MSLN: variants seen among roughly 807,000 people sequenced by gnomAD.
The protein encoded by MSLN is mesothelin.
Under a neutral mutation model 72.6 loss-of-function variants are expected in MSLN, and 82 were observed. The observed-to-expected ratio is 1.13, with a 90% CI of 0.94 to 1.36. The LOEUF is 1.36. MSLN is among the 40% of genes most tolerant of loss of function. MSLN has a pLI of 0.00. For synonymous variants in MSLN, 456 were observed against 387.3 expected (o/e 1.18, Z -2.08); for missense variants, 1,005 against 847.9 (o/e 1.19, Z -2.30).
Position 763,656 on chromosome 16 carries a change from G to C in MSLN, c.144G>C (p.Leu48=). 6.3e-7 allele frequency: 1 copy of C among 1,597,326 alleles called. No individual in the cohort carries two copies. The highest frequency in any genetic ancestry group is 8.5e-7 in the Non-Finnish European group (1 of 1,171,154). ...TGTGTCCCCAGGAGGCTGCGCCCCT[G>C]GACGGAGTCCTGGCCAACCCACCTA... The part of the protein sequence containing the change: ...AGETGQEAAP[L]DGVLANPPNI... Residue 48 remains leucine (L), a synonymous_variant, in exon 5 of 18, where the codon CTG becomes CTC. Coordinates refer to ENST00000545450, the MANE Select transcript of MSLN (RefSeq NM_005823.6).
At chr16:764,535 T>C in intron 6 of MSLN, 112 bp from the exon 7 acceptor site, 1 of 942,982 alleles carries the variant, frequency 1.1e-6, no homozygotes, top group Middle Eastern at 2.2e-4. Context: ...TTCCACAGAT[T>C]CTCGTGGCCA....
chr16:766,562 C>T, intron 13 of MSLN, 72 bp downstream of exon 13: 1 of 1,609,028 alleles, frequency 6.2e-7, no homozygotes, highest in Non-Finnish European at 8.5e-7. Flanking sequence ...GGGACAAAGC[C>T]TGAGGTTGGG....
At chr16:768,863 C>T (rs774580267), downstream of MSLN, 13 of 859,252 alleles carry the variant, frequency 1.5e-5, no homozygotes, top group East Asian at 2.7e-5. Context: ...CCTGCAGACA[C>T]GTCTTGTGGC....
chr16:768,705 C>A lies in MSLN; in HGVS notation c.1841C>A (p.Ala614Glu). Residue 614 changes from alanine (A) to glutamate (E), a missense_variant, in exon 18 of 18, where the codon GCA (alanine) becomes GAA (glutamate). Physicochemically the swap from Ala to Glu is moderately radical, Grantham distance 107 (BLOSUM62 -1). Coordinates refer to ENST00000545450, the MANE Select transcript of MSLN (RefSeq NM_005823.6). The part of the protein sequence containing the change: ...LGPGPVLTVL[A>E]LLLASTLA ...CCTGGACCTGTTCTCACCGTCCTGGCACTGCTCCTAGCCTCCACCCTGGCC... is the reference window on the plus strand; with the variant it reads ...CCTGGACCTGTTCTCACCGTCCTGGAACTGCTCCTAGCCTCCACCCTGGCC... 6.2e-7 allele frequency: 1 copy of A among 1,610,996 alleles called. No homozygotes were observed. The highest frequency in any genetic ancestry group is 8.5e-7 in the Non-Finnish European group (1 of 1,179,554).
intron 15 of MSLN, 121 bp from the exon 16 acceptor site, chr16:767,255 C>A: frequency 2.6e-6 from 3 of 1,132,212 alleles, no homozygotes; most frequent in Non-Finnish European, 3.9e-6. Context: ...CAAACCCAGG[C>A]CCTGGAATCC....
chr16:762,043 G>GAGT (rs1359581755), intron 2 of MSLN, among the ~76,000 whole-genome samples: 2 of 152,190 alleles, frequency 1.3e-5, no homozygotes, highest in Non-Finnish European at 2.9e-5. Context: ...CCACCCTAGA[G>GAGT]AGTACAAGGG....
At chr16:767,497 TGGA>T (rs1158209617) in intron 16 of MSLN, 27 bp downstream of exon 16, 2 of 1,248,362 alleles carry the variant, frequency 1.6e-6, no homozygotes, top group Non-Finnish European at 2.1e-6. Flanking sequence ...GAGGGGCGTG[TGGA>T]GGAGGGGCCC....
chr16:762,405 A>C, intron 2 of MSLN: 2 of 487,298 alleles, frequency 4.1e-6, no homozygotes, highest in Non-Finnish European at 3.7e-6. Flanking sequence ...CCCTTCTGGG[A>C]GAGGGGTGGG....
intron 15 of MSLN, 115 bp downstream of exon 15, chr16:767,127 G>C: frequency 1.3e-6 from 2 of 1,506,428 alleles, no homozygotes; most frequent in African/African-American, 1.4e-5. Context: ...GTAACTGGGT[G>C]GTCACCCGCC....
At chr16:760,946 A>G (rs567034005) in intron 1 of MSLN, 125 bp downstream of exon 1, 1 of 152,326 alleles carries the variant, frequency 6.6e-6, no homozygotes, top group African/African-American at 2.4e-5. Context: ...TCCCTACCCA[A>G]CTGCGCAGAA....
At position 765,748 on chromosome 16, in the gene MSLN, G is replaced by T. The variant is rs777863778; in HGVS notation, c.853G>T (p.Glu285Ter). ...TCGGGACCCATCCTGGCGGCAGCCT[G>T]AACGGACCATCCTCCGGCCGCGGTT... is the stretch of plus-strand genomic sequence containing the variant. ...SSRDPSWRQP[E>*]RTILRPRFRR... Residue 285 changes from glutamate to a stop codon, truncating the protein, a stop_gained, in exon 11 of 18, where the codon GAA becomes TAA. Coordinates refer to ENST00000545450, the MANE Select transcript of MSLN (RefSeq NM_005823.6). LOFTEE classifies it high-confidence loss of function. The T allele has an allele frequency of 6.2e-7, 1 of 1,600,680 alleles. No homozygotes were observed. The highest frequency in any genetic ancestry group is 1.1e-5 in the South Asian group (1 of 91,072).
At position 766,912 on chromosome 16, in the gene MSLN, G is replaced by C; in HGVS notation, c.1401G>C (p.Thr467=). The part of the protein sequence containing the change: ...IWAVRPQDLD[T]CDPRQLDVLY... ...CGGTCAGGCCCCAGGACCTGGACAC[G>C]TGTGACCCAAGGCAGCTGGACGTCC... The change falls in exon 15 of 18, where the codon ACG becomes ACC. Residue 467 remains threonine, a synonymous_variant. Coordinates refer to ENST00000545450, the MANE Select transcript of MSLN (RefSeq NM_005823.6). 6.2e-7 allele frequency: 1 copy of C among 1,612,554 alleles called. No individual in the cohort carries two copies. Among genetic ancestry groups the C allele is most frequent in the Non-Finnish European group, 8.5e-7 (1 of 1,179,834 alleles).
chr16:765,006 GC>G lies in MSLN; in HGVS notation c.481del (p.Arg161GlyfsTer17). 1 of 1,611,558 alleles carries G rather than the reference GC, an allele frequency of 6.2e-7. No homozygotes were observed. Among genetic ancestry groups the G allele is most frequent in the South Asian group, 1.1e-5 (1 of 91,048 alleles). ...TCCCGAGGGGGGCTCCCGAGCGACA[GC>G]GGCTGCTGCCTGCGGCTCTGGCCTG... is the stretch of plus-strand genomic sequence containing the variant. The part of the protein sequence containing the change: ...LLPRGAPERQ[R>X]LLPAALACWG... On this transcript the variant is annotated frameshift_variant, in exon 8 of 18. Transcript: ENST00000545450. LOFTEE classifies it high-confidence loss of function.
intron 16 of MSLN, 28 bp from the exon 17 acceptor site, chr16:768,351 C>A (rs1003612437): frequency 6.7e-7 from 1 of 1,500,084 alleles, no homozygotes; most frequent in Non-Finnish European, 8.9e-7. Context: ...GGAGACCCTC[C>A]TTGATGGCTG....
At chr16:764,400 C>T (rs976272165) in intron 6 of MSLN, among the ~76,000 whole-genome samples, 2 of 152,198 alleles carry the variant, frequency 1.3e-5, no homozygotes, top group Non-Finnish European at 2.9e-5. Context: ...GTGGGCAGCC[C>T]TCCAGGCTCT....
Position 766,686 on chromosome 16 carries a change from C to A in MSLN, c.1249C>A (p.Arg417Ser). ...CCCACAGGTGGCCACCCTGATCGAC[C>A]GCTTTGTGAAGGGAAGGGGCCAGCT... ...MSPQVATLID[R>S]FVKGRGQLDK... is the part of the protein sequence containing the mutation. Residue 417 changes from arginine (R) to serine (S), a missense_variant, in exon 14 of 18, where the codon CGC becomes AGC. Transcript: ENST00000545450. The A allele has an allele frequency of 6.2e-7, 1 of 1,612,560 alleles. No homozygotes were observed. The highest frequency in any genetic ancestry group is 8.5e-7 in the Non-Finnish European group (1 of 1,179,870).
At chr16:765,651 C>A (rs371637117) in intron 10 of MSLN, 34 bp downstream of exon 10, 25 of 1,597,890 alleles carry the variant, frequency 1.6e-5, no homozygotes, top group Non-Finnish European at 2.0e-5. Flanking sequence ...TGGGGATGCC[C>A]GGCCACCCGA....
At position 768,854 on chromosome 16, in the gene MSLN, C is replaced by A; in HGVS notation, c.*121C>A. On this transcript the variant is annotated 3_prime_UTR_variant, in exon 18 of 18. Transcript: ENST00000545450. ...CGCTCAGTAAACGGGAACATGCCCC[C>A]TGCAGACACGTCTTGTGGCCTCCGA... The A allele has an allele frequency of 1.1e-6, 1 of 930,716 alleles. No homozygotes were observed. The highest frequency in any genetic ancestry group is 1.4e-5 in the South Asian group (1 of 70,714). 57.7% of individuals were successfully genotyped at this position (930,716 alleles called of 1,614,324 possible).
chr16:762,720 G>A lies in MSLN; in HGVS notation c.40G>A (p.Gly14Arg). ...PTARPLLGSCGTPALGSLLFL... is the reference protein window; with the variant it reads ...PTARPLLGSCRTPALGSLLFL... Reference sequence around the variant, plus strand: ...GGCTCGACCCCTGTTGGGGTCCTGTGGGACCCCCGCCCTCGGCAGCCTCCT... The same window carrying A: ...GGCTCGACCCCTGTTGGGGTCCTGTAGGACCCCCGCCCTCGGCAGCCTCCT... Residue 14 changes from glycine to arginine, a missense_variant, in exon 3 of 18, where the codon GGG becomes AGG. Coordinates refer to ENST00000545450, the MANE Select transcript of MSLN (RefSeq NM_005823.6). 2 of 1,607,724 alleles carry A rather than the reference G, an allele frequency of 1.2e-6. No individual in the cohort carries two copies. The highest frequency in any genetic ancestry group is 1.7e-6 in the Non-Finnish European group (2 of 1,177,894).
Sources: allele counts gnomAD v4.1 joint callset (sites outside exome capture counted in the v4.1 genomes callset), GRCh38; gene constraint gnomAD v4.1.1; transcripts MANE v1.5; gene names NCBI Gene and HGNC (gene_info 2026-07-23, HGNC 2026-07-21).